The following CC2D2B variants were observed in gnomAD, a reference collection of about 807,000 sequenced individuals.
CC2D2B encodes protein CC2D2B.
Under a neutral mutation model 161.2 loss-of-function variants are expected in CC2D2B, and 128 were observed. That is an observed-to-expected ratio of 0.79 (90% CI 0.69 to 0.92). CC2D2B has a LOEUF of 0.92. Among genes scored for constraint, CC2D2B ranks in the 40% least tolerant of loss-of-function variants. CC2D2B has a pLI of 0.00. For missense variants in CC2D2B, 1,173 were observed against 1,375.1 expected (o/e 0.85, Z 2.32); for synonymous variants, 391 against 449.8 (o/e 0.87, Z 1.65).
intron 30 of CC2D2B, chr10:96,018,690 G>C (rs2079312500): frequency 6.6e-6 from 1 of 151,996 alleles, no homozygotes; most frequent in Non-Finnish European, 1.5e-5. Context: ...ATGCTAACCT[G>C]GGGCTGAGGA....
intron 34 of CC2D2B, among the ~76,000 whole-genome samples, chr10:96,029,292 A>ATATATATATATATG (rs2079957840): frequency 9.7e-6 from 1 of 103,546 alleles, no homozygotes; most frequent in Non-Finnish European, 1.9e-5. Flanking sequence ...ATATGTATAT[A>ATATATATATATATG]TATATATATA....
chr10:96,015,801 A>G (rs2079173846), intron 29 of CC2D2B, among the ~76,000 whole-genome samples: 1 of 152,180 alleles, frequency 6.6e-6, no homozygotes, highest in Non-Finnish European at 1.5e-5. Flanking sequence ...GTAGCTCCAC[A>G]GCCCAAAGGA....
chr10:96,008,821 T>A (rs2078867733), intron 25 of CC2D2B, among the ~76,000 whole-genome samples: 1 of 152,110 alleles, frequency 6.6e-6, no homozygotes, highest in African/African-American at 2.4e-5. Flanking sequence ...AGATATTTTC[T>A]CCCAATATGT....
intron 15 of CC2D2B, among the ~76,000 whole-genome samples, chr10:95,970,395 T>A (rs2077085681): frequency 2.0e-5 from 3 of 152,316 alleles, no homozygotes; most frequent in Admixed American, 2.0e-4. Context: ...CTGAGCTGCT[T>A]GTCTTTTCCC....
At chr10:95,909,203 G>A (rs968490779) in intron 1 of CC2D2B, among the ~76,000 whole-genome samples, 1 of 152,154 alleles carries the variant, frequency 6.6e-6, no homozygotes, top group African/African-American at 2.4e-5. Flanking sequence ...TGCAATACAT[G>A]GAAGTCATAA....
intron 34 of CC2D2B, among the ~76,000 whole-genome samples, chr10:96,030,555 A>G (rs990484565): frequency 1.3e-5 from 2 of 152,142 alleles, no homozygotes; most frequent in Non-Finnish European, 2.9e-5. Flanking sequence ...CTATTCACTC[A>G]TGAATAGGGA....
intron 25 of CC2D2B, among the ~76,000 whole-genome samples, chr10:96,007,378 C>A (rs1249637945): frequency 2.0e-5 from 3 of 152,192 alleles, no homozygotes; most frequent in African/African-American, 7.2e-5. Context: ...GAGCTATAAT[C>A]AATAGCCTAA....
Position 95,992,527 on chromosome 10 carries a change from C to A in CC2D2B, c.2472C>A (p.Ser824Arg), listed in dbSNP as rs2077997135. Reference protein sequence around the residue: ...VNDYEEIVSTSQLTDAVCKFV... With the variant: ...VNDYEEIVSTRQLTDAVCKFV... ...CTAATGATCATTTTTTACCCTTTAG[C>A]CAATTGACAGATGCAGTTTGTAAGT... The change falls in exon 22 of 35, where the codon AGC (serine) becomes AGA (arginine). Residue 824 changes from serine to arginine, a missense_variant and splice_region_variant. Coordinates refer to ENST00000646931, the MANE Select transcript of CC2D2B (RefSeq NM_001349008.3). 4 of 1,233,886 alleles carry A rather than the reference C, an allele frequency of 3.2e-6. No homozygotes were observed. The South Asian group carries it at 1.2e-4, about 38-fold the overall frequency. The allele number at this position is 1,233,886 out of a possible 1,614,324, so 76.4% of individuals were successfully genotyped here.
At chr10:95,914,416 G>A (rs914889035) in intron 2 of CC2D2B, among the ~76,000 whole-genome samples, 2 of 152,062 alleles carry the variant, frequency 1.3e-5, no homozygotes, top group African/African-American at 2.4e-5. Flanking sequence ...GGTATGGTTT[G>A]GCTTTTAGTA....
chr10:95,913,218 T>C (rs1468782965), intron 2 of CC2D2B, among the ~76,000 whole-genome samples: 1 of 152,176 alleles, frequency 6.6e-6, no homozygotes, highest in Non-Finnish European at 1.5e-5. Flanking sequence ...AAAGTTTTTC[T>C]TTCTGTGCCT....
chr10:95,935,959 A>C (rs2075805919), intron 6 of CC2D2B, among the ~76,000 whole-genome samples: 1 of 152,170 alleles, frequency 6.6e-6, no homozygotes, highest in African/African-American at 2.4e-5. Flanking sequence ...GAATATTTGA[A>C]TGAATATTGA....
chr10:95,942,999 C>T (rs2076074307), intron 9 of CC2D2B, among the ~76,000 whole-genome samples: 1 of 152,092 alleles, frequency 6.6e-6, no homozygotes, highest in Non-Finnish European at 1.5e-5. Flanking sequence ...CTATTCCCTT[C>T]CCCAGATTTT....
chr10:96,021,833 T>C (rs1168213701), intron 32 of CC2D2B, among the ~76,000 whole-genome samples: 3 of 152,224 alleles, frequency 2.0e-5, no homozygotes, highest in Admixed American at 2.0e-4. Context: ...ATCTTACTTA[T>C]TTTTTAAAAG....
intron 2 of CC2D2B, among the ~76,000 whole-genome samples, chr10:95,918,162 T>C (rs1215652598): frequency 6.6e-6 from 1 of 152,232 alleles, no homozygotes; most frequent in Non-Finnish European, 1.5e-5. Flanking sequence ...ACCACAATTA[T>C]GGTGTTATAA....
chr10:95,952,911 A>G (rs2076451441), intron 10 of CC2D2B, among the ~76,000 whole-genome samples: 1 of 152,156 alleles, frequency 6.6e-6, no homozygotes, highest in Non-Finnish European at 1.5e-5. Context: ...GCCTGGTCAA[A>G]GGTAAGGGTA....
At position 95,951,167 on chromosome 10, in the gene CC2D2B, A is replaced by AT. The variant is rs202012840; in HGVS notation, c.1011+1073dup. On this transcript the variant is annotated intron_variant, in intron 10 of 34. Coordinates refer to ENST00000646931, the MANE Select transcript of CC2D2B (RefSeq NM_001349008.3). ...GTTTAAAACCCACAGGACTTAATCC[A>AT]TTTTTTTTTTTGAGATAAGGTGTCA... Among the ~76,000 whole-genome samples the AT allele has an allele frequency of 5.3e-3, 768 of 146,066 alleles. 6 individuals are homozygous for AT. Among genetic ancestry groups the AT allele is most frequent in the African/African-American group, 0.015 (609 of 40,020 alleles).
rs560981667 is a variant in CC2D2B, at chr10:96,006,133, A to G, written c.2946+1885A>G. ...ATTCATTTATTTCCACTTGTATTTTAATTATTTTTTTCTCCCTATTCCTCC... is the reference window on the plus strand; with the variant it reads ...ATTCATTTATTTCCACTTGTATTTTGATTATTTTTTTCTCCCTATTCCTCC... On this transcript the variant is annotated intron_variant, in intron 25 of 34. Coordinates refer to ENST00000646931, the MANE Select transcript of CC2D2B (RefSeq NM_001349008.3). Among the ~76,000 whole-genome samples the G allele has an allele frequency of 2.6e-5, 4 of 151,522 alleles. No homozygotes were observed. The East Asian group carries it at 7.8e-4, about 29-fold the overall frequency.
At chr10:95,938,430 G>C in intron 7 of CC2D2B, 139 bp from the exon 8 acceptor site, 1 of 600,894 alleles carries the variant, frequency 1.7e-6, no homozygotes, top group South Asian at 2.3e-5. Flanking sequence ...GAGCGAGAAA[G>C]TAAGAGACAG....
intron 22 of CC2D2B, among the ~76,000 whole-genome samples, chr10:95,993,998 A>ATATATAT (rs2078126368): frequency 8.6e-6 from 1 of 115,642 alleles, no homozygotes; most frequent in Non-Finnish European, 1.8e-5. Flanking sequence ...ATATATATAT[A>ATATATAT]GTACAGTCCA....
Sources: gnomAD v4.1 joint callset for allele counts (sites outside exome capture counted in the v4.1 genomes callset) on GRCh38, gnomAD v4.1.1 for gene constraint, MANE v1.5 for transcripts, NCBI Gene and HGNC (gene_info 2026-07-23, HGNC 2026-07-21) for gene names.